The following ANKH variants were observed in gnomAD, a reference collection of about 807,000 sequenced individuals.
The protein encoded by ANKH is mineralization regulator ANKH.
In ANKH, 15 loss-of-function variants were observed where a neutral mutation model predicts 49.0. The ratio of observed to expected loss-of-function variants is 0.31; its 90% CI spans 0.20 to 0.47. ANKH has a LOEUF of 0.47. ANKH is among the 20% of genes least tolerant of loss of function. ANKH has a pLI of 1.00. For missense variants in ANKH, 429 were observed against 652.0 expected, an observed-to-expected ratio of 0.66 and a Z score of 3.72; for synonymous variants, 273 against 260.0, an observed-to-expected ratio of 1.05 and a Z score of -0.48.
chr5:14,785,393 G>T (rs1739940452), intron 1 of ANKH, among the ~76,000 whole-genome samples: 1 of 152,102 alleles, frequency 6.6e-6, no homozygotes, highest in African/African-American at 2.4e-5. Flanking sequence ...AGATCTGATT[G>T]TTTAAAAGTC....
intron 1 of ANKH, among the ~76,000 whole-genome samples, chr5:14,805,713 T>G (rs1048119932): frequency 9.9e-5 from 15 of 152,090 alleles, no homozygotes; most frequent in African/African-American, 3.6e-4. Context: ...CTCACACTGA[T>G]TACCTGACAC....
chr5:14,793,034 A>AAATATATATATATATAT (rs1740238528), intron 1 of ANKH, among the ~76,000 whole-genome samples: 1 of 75,060 alleles, frequency 1.3e-5, no homozygotes, highest in Non-Finnish European at 2.5e-5. Context: ...ATATATATAT[A>AAATATATATATATATAT]AAAATATATA....
At chr5:14,801,003 G>A (rs1740552239) in intron 1 of ANKH, among the ~76,000 whole-genome samples, 1 of 152,152 alleles carries the variant, frequency 6.6e-6, no homozygotes, top group Non-Finnish European at 1.5e-5. Context: ...TAGGCTTATA[G>A]GTGTGAGCTA....
intron 1 of ANKH, among the ~76,000 whole-genome samples, chr5:14,842,228 G>T (rs1741835065): frequency 6.6e-6 from 1 of 152,130 alleles, no homozygotes; most frequent in South Asian, 2.1e-4. Context: ...CTGATGATGG[G>T]GGGTGTGGTT....
chr5:14,758,691 T>A, intron 2 of ANKH, 93 bp from the exon 3 acceptor site: 1 of 984,618 alleles, frequency 1.0e-6, no homozygotes, highest in Non-Finnish European at 1.6e-6. Flanking sequence ...ATTTTAAATG[T>A]AGTATTTGTT....
intron 1 of ANKH, among the ~76,000 whole-genome samples, chr5:14,838,039 C>T (rs1203524779): frequency 6.6e-6 from 1 of 152,142 alleles, no homozygotes; most frequent in African/African-American, 2.4e-5. Flanking sequence ...TGCATGTTAT[C>T]ACTCATAGGT....
At chr5:14,720,179 A>G (rs1737615663) in intron 8 of ANKH, among the ~76,000 whole-genome samples, 1 of 152,170 alleles carries the variant, frequency 6.6e-6, no homozygotes, top group Admixed American at 6.5e-5. Flanking sequence ...CCATTCCCCT[A>G]CGTATTTTCT....
rs368006725 is a variant in ANKH, at chr5:14,740,218, C to T, written c.1011+1609G>A. On this transcript the variant is annotated intron_variant, in intron 8 of 11. Transcript: ENST00000284268. Reference sequence around the variant, plus strand: ...TGCAGATGAGGTCCAAGTCACAGGGCCTCACAGCAGAGTTAATTCAACCTT... The same window carrying T: ...TGCAGATGAGGTCCAAGTCACAGGGTCTCACAGCAGAGTTAATTCAACCTT... Among the ~76,000 whole-genome samples the T allele has an allele frequency of 9.7e-4, 147 of 152,230 alleles. 1 individual carries two copies. In the South Asian group the frequency reaches 0.029, roughly 30 times the overall value.
At chr5:14,763,629 A>G (rs1411417361) in intron 2 of ANKH, among the ~76,000 whole-genome samples, 1 of 152,260 alleles carries the variant, frequency 6.6e-6, no homozygotes, top group Non-Finnish European at 1.5e-5. Context: ...CGCAAGTACA[A>G]GAATTCTATC....
intron 1 of ANKH, among the ~76,000 whole-genome samples, chr5:14,866,860 A>T (rs16903723): frequency 0.16 from 24,862 of 152,066 alleles, 2,608 homozygotes; most frequent in East Asian, 0.48. Context: ...ATCATCCTAC[A>T]TCTGTTGAGT....
chr5:14,838,096 C>A (rs917633811), intron 1 of ANKH, among the ~76,000 whole-genome samples: 5 of 151,972 alleles, frequency 3.3e-5, no homozygotes, highest in Admixed American at 3.3e-4. Flanking sequence ...GGAAACATCA[C>A]GCACCAGGGC....
chr5:14,741,632 C>A (rs1297323871), intron 8 of ANKH, 195 bp downstream of exon 8: 2 of 575,158 alleles, frequency 3.5e-6, no homozygotes, highest in African/African-American at 3.8e-5. Context: ...GAAGTGGGTC[C>A]TTTATTCCTA....
chr5:14,861,563 T>C (rs1735495090), intron 1 of ANKH, among the ~76,000 whole-genome samples: 1 of 152,150 alleles, frequency 6.6e-6, no homozygotes, highest in Non-Finnish European at 1.5e-5. Flanking sequence ...GTGGGTGTGG[T>C]GTGTGGCAGT....
chr5:14,775,566 A>G (rs1429481910), intron 1 of ANKH, among the ~76,000 whole-genome samples: 2 of 152,116 alleles, frequency 1.3e-5, no homozygotes, highest in Non-Finnish European at 2.9e-5. Context: ...TTTTTGCAGG[A>G]GCTTATTTAG....
chr5:14,851,060 C>T (rs1742109283), intron 1 of ANKH, among the ~76,000 whole-genome samples: 1 of 152,130 alleles, frequency 6.6e-6, no homozygotes, highest in Non-Finnish European at 1.5e-5. Flanking sequence ...GACTGCGGAA[C>T]CTGCCTATGA....
At chr5:14,839,393 A>G (rs1685611310) in intron 1 of ANKH, among the ~76,000 whole-genome samples, 1 of 152,144 alleles carries the variant, frequency 6.6e-6, no homozygotes, top group South Asian at 2.1e-4. Context: ...ACACACACGC[A>G]CAGACAGAGT....
chr5:14,744,923 C>T (rs191385648), intron 7 of ANKH, among the ~76,000 whole-genome samples: 194 of 152,224 alleles, frequency 1.3e-3, no homozygotes, highest in Non-Finnish European at 1.4e-3. Flanking sequence ...GTCAGGCCGG[C>T]GGTGGGGGAA....
rs1249666036 is a variant in ANKH at position 14,737,057 on chromosome 5, A to C, written c.1011+4770T>G. On this transcript the variant is annotated intron_variant, in intron 8 of 11. Transcript: ENST00000284268. The surrounding 1 kb of genome is among the most constrained non-coding windows in gnomAD (Gnocchi z 5.0). ...AACTAAAAGCATCCAAAGGTGTTAA[A>C]AACTTCTGTTTATTAAAATATGATT... is the stretch of plus-strand genomic sequence containing the variant. Among the ~76,000 whole-genome samples the C allele has an allele frequency of 6.6e-6, 1 of 152,234 alleles. No homozygotes were observed. Among genetic ancestry groups the C allele is most frequent in the East Asian group, 1.9e-4 (1 of 5,204 alleles).
chr5:14,831,288 A>C (rs1407462631), intron 1 of ANKH, among the ~76,000 whole-genome samples: 1 of 152,176 alleles, frequency 6.6e-6, no homozygotes, highest in East Asian at 1.9e-4. Flanking sequence ...ATATCCCATC[A>C]TGAATGTTTG....
Sources: allele counts gnomAD v4.1 joint callset (sites outside exome capture counted in the v4.1 genomes callset), GRCh38; gene constraint gnomAD v4.1.1; non-coding constraint Gnocchi (gnomAD v3.1); transcripts MANE v1.5; gene names NCBI Gene and HGNC (gene_info 2026-07-23, HGNC 2026-07-21).